Variants in PPP2R2C observed in about 807,000 individuals in gnomAD.
The protein encoded by PPP2R2C is protein phosphatase 2, regulatory subunit B, gamma.
PPP2R2C carries 10 observed loss-of-function variants against 45.3 expected under a neutral mutation model. The observed-to-expected ratio is 0.22, with a 90% CI of 0.14 to 0.37. The LOEUF (loss-of-function observed/expected upper bound fraction) is 0.37, where lower values mean the gene tolerates loss of function less well. PPP2R2C is among the 10% of genes least tolerant of loss of function. PPP2R2C has a pLI of 1.00. For missense variants in PPP2R2C, 308 were observed against 619.7 expected (o/e 0.50, Z 5.34); for synonymous variants, 257 against 245.4 (o/e 1.05, Z -0.44).
chr4:6,472,139 C>A, intron 1 of PPP2R2C, 21 bp downstream of exon 1: 1 of 1,613,428 alleles, frequency 6.2e-7, no homozygotes, highest in Admixed American at 1.7e-5. Flanking sequence ...CCGGAGGGGT[C>A]TCAGACAACA....
At chr4:6,371,254 G>A (rs1339429762) in intron 5 of PPP2R2C, among the ~76,000 whole-genome samples, 4 of 152,218 alleles carry the variant, frequency 2.6e-5, no homozygotes, top group Non-Finnish European at 4.4e-5. Flanking sequence ...CTGGCTCAGG[G>A]GACATCCAAC....
intron 1 of PPP2R2C, among the ~76,000 whole-genome samples, chr4:6,555,137 T>C (rs1225883225): frequency 1.3e-5 from 2 of 152,026 alleles, no homozygotes; most frequent in African/African-American, 4.8e-5. Flanking sequence ...CCTCACATGG[T>C]AGATATCTGC....
intron 5 of PPP2R2C, among the ~76,000 whole-genome samples, chr4:6,366,431 C>G (rs1230387551): frequency 6.6e-6 from 1 of 152,200 alleles, no homozygotes; most frequent in Non-Finnish European, 1.5e-5. Context: ...CACCTACAAC[C>G]GTTCATAAGT....
rs1054128786 is a variant in PPP2R2C, at chr4:6,448,121, G to T, written c.70+24039C>A. ...GAGCTTCCAGAGACCACCTGAGGGCGAGAAGAAAGATCGTCACGGCAGTCA... is the reference window on the plus strand; with the variant it reads ...GAGCTTCCAGAGACCACCTGAGGGCTAGAAGAAAGATCGTCACGGCAGTCA... On this transcript the variant is annotated intron_variant, in intron 1 of 8. Transcript: ENST00000382599. Among the ~76,000 whole-genome samples, 3 of 152,170 alleles carry T rather than the reference G, an allele frequency of 2.0e-5. 1 individual carries two copies. Among genetic ancestry groups the T allele is most frequent in the Admixed American group, 2.0e-4 (3 of 15,282 alleles).
At chr4:6,403,952 G>C (rs1404211906) in intron 1 of PPP2R2C, among the ~76,000 whole-genome samples, 2 of 152,016 alleles carry the variant, frequency 1.3e-5, no homozygotes, top group Admixed American at 1.3e-4. Flanking sequence ...TGGGAGAAAA[G>C]AGCACTGGGA....
chr4:6,496,814 T>C (rs367818923), intron 2 of PPP2R2C, among the ~76,000 whole-genome samples: 75 of 151,820 alleles, frequency 4.9e-4, no homozygotes, highest in African/African-American at 1.4e-3. Flanking sequence ...TGAGCCGAGA[T>C]TGCGCCACTG....
chr4:6,408,808 T>G (rs1024024437), intron 1 of PPP2R2C, among the ~76,000 whole-genome samples: 8 of 144,098 alleles, frequency 5.6e-5, no homozygotes, highest in African/African-American at 2.1e-4. Context: ...GCCTGGGGAG[T>G]GGACAGGGGG....
intron 1 of PPP2R2C, among the ~76,000 whole-genome samples, chr4:6,418,572 G>A (rs531872533): frequency 1.7e-4 from 26 of 152,286 alleles, no homozygotes; most frequent in Non-Finnish European, 2.6e-4. Flanking sequence ...GGATCAAATC[G>A]CCCCTGGGCC....
At chr4:6,537,848 C>T (rs1408648568) in intron 1 of PPP2R2C, among the ~76,000 whole-genome samples, 1 of 152,060 alleles carries the variant, frequency 6.6e-6, no homozygotes, top group Non-Finnish European at 1.5e-5. Flanking sequence ...CCACGCCCGG[C>T]CAAAGATATT....
rs772077663 is a variant in PPP2R2C, at chr4:6,472,232, A to C, written c.-3T>G. Reference sequence around the variant, plus strand: ...CGCGTGTCCGTGTCCTCGCCCATTGAAGGCCGTGCCCGGTGCTCTGGGCAT... The same window carrying C: ...CGCGTGTCCGTGTCCTCGCCCATTGCAGGCCGTGCCCGGTGCTCTGGGCAT... On this transcript the variant is annotated 5_prime_UTR_variant, in exon 1 of 9. Coordinates refer to ENST00000382599, the MANE Select transcript of PPP2R2C (RefSeq NM_020416.4). The C allele has an allele frequency of 1.2e-6, 2 of 1,612,542 alleles. No individual in the cohort carries two copies. Among genetic ancestry groups the C allele is most frequent in the Admixed American group, 3.3e-5 (2 of 59,932 alleles).
At position 6,375,825 on chromosome 4, in the gene PPP2R2C, T is replaced by C; in HGVS notation, c.441A>G (p.Ser147=). ...GKLKDLSTVT[S]LQVPVLKPMD... is the part of the protein sequence containing the mutation. Reference sequence around the variant, plus strand: ...CCCCCTCACCGGAGCTCACCTGCAGTGACGTCACCGTGGACAGGTCCTTAA... The same window carrying C: ...CCCCCTCACCGGAGCTCACCTGCAGCGACGTCACCGTGGACAGGTCCTTAA... Residue 147 remains serine, a synonymous_variant, in exon 4 of 9, where the codon TCA becomes TCG. Coordinates refer to ENST00000382599, the MANE Select transcript of PPP2R2C (RefSeq NM_020416.4). 6.2e-7 allele frequency: 1 copy of C among 1,612,348 alleles called. No homozygotes were observed. Among genetic ancestry groups the C allele is most frequent in the Non-Finnish European group, 8.5e-7 (1 of 1,178,994 alleles).
At chr4:6,513,651 G>T (rs1209242463) in intron 2 of PPP2R2C, among the ~76,000 whole-genome samples, 1 of 152,202 alleles carries the variant, frequency 6.6e-6, no homozygotes, top group African/African-American at 2.4e-5. Context: ...CAGGTATGAG[G>T]GTGAACAAGC....
intron 1 of PPP2R2C, among the ~76,000 whole-genome samples, chr4:6,540,002 G>A (rs1346174826): frequency 6.6e-6 from 1 of 152,180 alleles, no homozygotes; most frequent in Admixed American, 6.5e-5. Flanking sequence ...CTACTCTGTC[G>A]CCTGGCTCCA....
At chr4:6,466,776 G>A (rs1489207622) in intron 1 of PPP2R2C, among the ~76,000 whole-genome samples, 2 of 152,246 alleles carry the variant, frequency 1.3e-5, no homozygotes, top group African/African-American at 4.8e-5. Context: ...GTCAGGAGAT[G>A]GAGTGGAAAA....
chr4:6,384,555 A>G (rs1716089174), intron 1 of PPP2R2C: 3 of 980,900 alleles, frequency 3.1e-6, no homozygotes, highest in Non-Finnish European at 3.6e-6. Context: ...ATATAATTTG[A>G]TGAGGGTGGG....
At chr4:6,427,471 G>A (rs1002232593) in intron 1 of PPP2R2C, among the ~76,000 whole-genome samples, 2 of 152,156 alleles carry the variant, frequency 1.3e-5, no homozygotes, top group African/African-American at 2.4e-5. Flanking sequence ...TCACACCCTT[G>A]GCTCCAGCAA....
chr4:6,402,935 T>A (rs13146368), intron 1 of PPP2R2C, among the ~76,000 whole-genome samples: 1 of 152,178 alleles, frequency 6.6e-6, no homozygotes, highest in African/African-American at 2.4e-5. Context: ...TGCAAAGCCA[T>A]GAAGGCCTGC....
At chr4:6,495,540 C>G (rs909637644) in intron 2 of PPP2R2C, among the ~76,000 whole-genome samples, 1 of 152,334 alleles carries the variant, frequency 6.6e-6, no homozygotes, top group African/African-American at 2.4e-5. Context: ...GGAACAGGCA[C>G]GGGATCAGGT....
intron 2 of PPP2R2C, among the ~76,000 whole-genome samples, chr4:6,490,246 G>C (rs927456142): frequency 6.6e-6 from 1 of 152,116 alleles, no homozygotes; most frequent in Non-Finnish European, 1.5e-5. Flanking sequence ...CGCTCATCTG[G>C]GACTTATGTC....
Sources: gnomAD v4.1 joint callset for allele counts (sites outside exome capture counted in the v4.1 genomes callset) on GRCh38, gnomAD v4.1.1 for gene constraint, MANE v1.5 for transcripts, NCBI Gene and HGNC (gene_info 2026-07-23, HGNC 2026-07-21) for gene names.